SLC3A1: variants seen among roughly 807,000 people sequenced by gnomAD.
SLC3A1 encodes solute carrier family 3 member 1.
A neutral mutation model predicts 60.3 loss-of-function variants in SLC3A1; 78 were observed. The ratio of observed to expected loss-of-function variants is 1.29; its 90% CI spans 1.08 to 1.56. The LOEUF (loss-of-function observed/expected upper bound fraction) is 1.56, where lower values mean the gene tolerates loss of function less well. Among genes scored for constraint, SLC3A1 ranks in the 40% most tolerant of loss-of-function variants. The probability of loss-of-function intolerance (pLI) is 0.00; values close to 1 mark genes in which losing one functional copy is unlikely to be tolerated. For missense variants in SLC3A1, 1,172 were observed against 858.9 expected, an observed-to-expected ratio of 1.36 and a Z score of -4.56; for synonymous variants, 392 against 307.9, an observed-to-expected ratio of 1.27 and a Z score of -2.86.
At chr2:44,301,736 C>CAAA (rs1361669390) in intron 6 of SLC3A1, among the ~76,000 whole-genome samples, 1 of 42,142 alleles carries the variant, frequency 2.4e-5, no homozygotes, top group Non-Finnish European at 4.4e-5. Context: ...GAGACTCCAT[C>CAAA]ACAAAAAAAA....
Position 44,275,581 on chromosome 2 carries a change from A to G in SLC3A1, c.46A>G (p.Lys16Glu). 1 of 1,614,162 alleles carries G rather than the reference A, an allele frequency of 6.2e-7. No individual in the cohort carries two copies. Among genetic ancestry groups the G allele is most frequent in the African/African-American group, 1.3e-5 (1 of 75,052 alleles). Reference protein sequence around the residue: ...SKRDSIEMSMKGCQTNNGFVH... With the variant: ...SKRDSIEMSMEGCQTNNGFVH... ...GAGAGACTCCATCGAGATGAGTATG[A>G]AGGGATGCCAGACAAACAACGGGTT... Residue 16 changes from lysine to glutamate, a missense_variant, in exon 1 of 10, where the codon AAG becomes GAG. Physicochemically the swap from Lys to Glu is moderately conservative, Grantham distance 56. Coordinates refer to ENST00000260649, the MANE Select transcript of SLC3A1 (RefSeq NM_000341.4).
intron 5 of SLC3A1, 37 bp from the exon 6 acceptor site, chr2:44,300,966 T>A (rs1671987916): frequency 6.2e-7 from 1 of 1,612,852 alleles, no homozygotes; most frequent in Admixed American, 1.7e-5. Flanking sequence ...ATGCAATGTA[T>A]GAAATGAGGG....
Position 44,313,913 on chromosome 2 carries a change from T to A in SLC3A1, c.1579T>A (p.Leu527Ile). The stretch of plus-strand genomic sequence containing the variant: ...TTTTTCTGAAGCTAGTAACACCTGG[T>A]TACCTACCAATTCAGATTACCACAC... The part of the protein sequence containing the change: ...AGFSEASNTW[L>I]PTNSDYHTVN... Residue 527 changes from leucine to isoleucine, a missense_variant, in exon 9 of 10, where the codon TTA (leucine) becomes ATA (isoleucine). By Grantham distance (5) the Leu-to-Ile change is conservative. Transcript: ENST00000260649. 6.2e-7 allele frequency: 1 copy of A among 1,614,100 alleles called. No homozygotes were observed. The highest frequency in any genetic ancestry group is 1.7e-5 in the Admixed American group (1 of 60,010).
rs1273905319 is a variant in SLC3A1 at position 44,275,770 on chromosome 2, C to A, written c.235C>A (p.Gln79Lys). The A allele has an allele frequency of 6.2e-7, 1 of 1,614,118 alleles. No homozygotes were observed. The highest frequency in any genetic ancestry group is 1.7e-5 in the Admixed American group (1 of 60,014). The part of the protein sequence containing the change: ...PKEVLFQFSG[Q>K]ARYRIPREIL... ...GGAGGTGCTGTTCCAGTTCTCTGGC[C>A]AGGCCCGCTACCGCATACCTCGGGA... Residue 79 changes from glutamine (Q) to lysine (K), a missense_variant, in exon 1 of 10, where the codon CAG (glutamine) becomes AAG (lysine). Physicochemically the swap from Gln to Lys is moderately conservative, Grantham distance 53 (BLOSUM62 1). Transcript: ENST00000260649.
Position 44,287,364 on chromosome 2 carries a change from G to A in SLC3A1, c.891+1207G>A, listed in dbSNP as rs561658857. Among the ~76,000 whole-genome samples the A allele has an allele frequency of 4.6e-5, 7 of 152,206 alleles. No individual in the cohort carries two copies. The East Asian group carries it at 9.7e-4, about 21-fold the overall frequency. On this transcript the variant is annotated intron_variant, in intron 4 of 9. Transcript: ENST00000260649. ...TGACTATCTGGGGGAAGAGAATTTC[G>A]GGCAGAAAGAAGAACAAATGGAAAG...
chr2:44,277,493 T>C (rs1450193450), intron 1 of SLC3A1, among the ~76,000 whole-genome samples: 1 of 152,120 alleles, frequency 6.6e-6, no homozygotes, highest in Non-Finnish European at 1.5e-5. Flanking sequence ...CTCAAACCCA[T>C]TGCCTTCATT....
intron 4 of SLC3A1, among the ~76,000 whole-genome samples, chr2:44,297,182 T>A (rs1299220135): frequency 6.6e-6 from 1 of 152,186 alleles, no homozygotes; most frequent in Non-Finnish European, 1.5e-5. Context: ...TAAAATGATA[T>A]ATACATTCCT....
intron 7 of SLC3A1, among the ~76,000 whole-genome samples, chr2:44,307,149 G>C (rs781068753): frequency 8.5e-5 from 13 of 152,072 alleles, no homozygotes; most frequent in Non-Finnish European, 1.6e-4. Flanking sequence ...GTGTTTTCAA[G>C]GTTTATCCAT....
chr2:44,300,977 T>C, intron 5 of SLC3A1, 26 bp from the exon 6 acceptor site: 1 of 1,613,126 alleles, frequency 6.2e-7, no homozygotes. Context: ...GAAATGAGGG[T>C]AACCATGTCG....
Position 44,320,698 on chromosome 2 carries a change from T to C in SLC3A1, c.*59T>C, listed in dbSNP as rs1672863779. 6 of 1,262,938 alleles carry C rather than the reference T, an allele frequency of 4.8e-6. No homozygotes were observed. The highest frequency in any genetic ancestry group is 5.8e-6 in the Non-Finnish European group (5 of 861,052). The allele number at this position is 1,262,938 out of a possible 1,614,324, so 78.2% of individuals were successfully genotyped here. A position where few individuals can be genotyped will look rare whatever the true frequency, so the allele number is the denominator to read the frequency against. On this transcript the variant is annotated 3_prime_UTR_variant, in exon 10 of 10. Coordinates refer to ENST00000260649, the MANE Select transcript of SLC3A1 (RefSeq NM_000341.4). ...TCAGTGGGATTGTAAGCATTTGTAA[T>C]AGCTTCATGTACAGCATGCTGCTTG...
At chr2:44,294,198 T>A (rs577433341) in intron 4 of SLC3A1, among the ~76,000 whole-genome samples, 1 of 151,512 alleles carries the variant, frequency 6.6e-6, no homozygotes, top group East Asian at 1.9e-4. Flanking sequence ...TGCAGAGAGA[T>A]TGGGTAATAT....
intron 5 of SLC3A1, 130 bp downstream of exon 5, chr2:44,300,220 TTTC>T: frequency 2.2e-6 from 2 of 925,354 alleles, no homozygotes; most frequent in Non-Finnish European, 3.4e-6. Flanking sequence ...CCCTGATTTA[TTTC>T]TTTAGGAAAT....
intron 1 of SLC3A1, among the ~76,000 whole-genome samples, chr2:44,277,857 A>C (rs535074982): frequency 6.6e-6 from 1 of 152,276 alleles, no homozygotes; most frequent in Admixed American, 6.5e-5. Flanking sequence ...CCTGCAATCC[A>C]TAGGCATTTG....
chr2:44,300,861 C>G, intron 5 of SLC3A1, 142 bp from the exon 6 acceptor site: 1 of 868,864 alleles, frequency 1.2e-6, no homozygotes, highest in Non-Finnish European at 1.9e-6. Context: ...ATGAAGCATT[C>G]TTCTCCATCC....
At position 44,321,268 on chromosome 2, in the gene SLC3A1, G is replaced by T; in HGVS notation, c.*629G>T. On this transcript the variant is annotated 3_prime_UTR_variant, in exon 10 of 10. Transcript: ENST00000260649. The stretch of plus-strand genomic sequence containing the variant: ...AAAATTAATAACTTAAAAGTCTCAA[G>T]TTATTAATTTTTTTTTTGCTAACTC... 1.7e-6 allele frequency: 2 copies of T among 1,146,404 alleles called. No individual in the cohort carries two copies. The highest frequency in any genetic ancestry group is 1.2e-6 in the Non-Finnish European group (1 of 801,506). 71.0% of individuals were successfully genotyped at this position (1,146,404 alleles called of 1,614,324 possible).
At chr2:44,314,341 A>G (rs1572816746) in intron 9 of SLC3A1, 3 of 444,192 alleles carry the variant, frequency 6.8e-6, no homozygotes, top group South Asian at 2.7e-5. Flanking sequence ...AGATCAATCA[A>G]TCAACCCAGA....
intron 3 of SLC3A1, among the ~76,000 whole-genome samples, chr2:44,284,327 G>C (rs901343346): frequency 2.0e-5 from 3 of 152,070 alleles, no homozygotes; most frequent in Non-Finnish European, 4.4e-5. Flanking sequence ...ATCTGCCCAC[G>C]TCGGCTTCCC....
chr2:44,303,907 G>C, intron 6 of SLC3A1: 3 of 617,048 alleles, frequency 4.9e-6, no homozygotes, highest in Admixed American at 2.6e-5. Flanking sequence ...AAAGGACATG[G>C]ACTCATCCTT....
intron 4 of SLC3A1, among the ~76,000 whole-genome samples, chr2:44,299,531 A>C (rs1291220019): frequency 6.6e-6 from 1 of 152,152 alleles, no homozygotes; most frequent in Non-Finnish European, 1.5e-5. Flanking sequence ...CTGCCTTCCT[A>C]GTAAGGAGTG....
Sources: allele counts gnomAD v4.1 joint callset (sites outside exome capture counted in the v4.1 genomes callset), GRCh38; gene constraint gnomAD v4.1.1; transcripts MANE v1.5; gene names NCBI Gene and HGNC (gene_info 2026-07-23, HGNC 2026-07-21).